Variants in SEMA6D observed in about 807,000 individuals in gnomAD.
SEMA6D encodes semaphorin 6D.
SEMA6D carries 35 observed loss-of-function variants against 106.6 expected under a neutral mutation model. That is an observed-to-expected ratio of 0.33 (90% CI 0.25 to 0.44). The LOEUF (loss-of-function observed/expected upper bound fraction) is 0.44. Among genes scored for constraint, SEMA6D ranks in the 20% least tolerant of loss-of-function variants. SEMA6D has a pLI of 1.00. For synonymous variants in SEMA6D, 499 were observed against 487.7 expected, an observed-to-expected ratio of 1.02 and a Z score of -0.31; for missense variants, 1,185 against 1,345.9, an observed-to-expected ratio of 0.88 and a Z score of 1.87.
intron 1 of SEMA6D, among the ~76,000 whole-genome samples, chr15:47,304,238 G>C (rs1356514589): frequency 6.6e-6 from 1 of 151,906 alleles, no homozygotes; most frequent in Non-Finnish European, 1.5e-5. Flanking sequence ...CAAGGTGGGA[G>C]TTCAAGACCA....
intron 1 of SEMA6D, among the ~76,000 whole-genome samples, chr15:47,273,388 T>C (rs547540958): frequency 6.6e-6 from 1 of 152,280 alleles, no homozygotes; most frequent in South Asian, 2.1e-4. Flanking sequence ...AAAACTTGTG[T>C]TAAGAGGACC....
intron 4 of SEMA6D, among the ~76,000 whole-genome samples, chr15:47,657,649 C>G (rs2077823238): frequency 7.5e-6 from 1 of 133,498 alleles, no homozygotes; most frequent in Non-Finnish European, 1.6e-5. Context: ...AGGATCAAAA[C>G]TTTTTTATCT....
intron 1 of SEMA6D, among the ~76,000 whole-genome samples, chr15:47,301,569 C>A (rs904969972): frequency 2.0e-5 from 3 of 152,226 alleles, no homozygotes; most frequent in Non-Finnish European, 4.4e-5. Flanking sequence ...CTGGGGGAAG[C>A]CTGATTTTGA....
chr15:47,538,594 G>C (rs2045251460), intron 3 of SEMA6D, among the ~76,000 whole-genome samples: 1 of 152,112 alleles, frequency 6.6e-6, no homozygotes, highest in Non-Finnish European at 1.5e-5. Context: ...TCTGTTGATT[G>C]GTGTGTGAGA....
At chr15:47,240,574 T>C (rs2032844324) in intron 1 of SEMA6D, among the ~76,000 whole-genome samples, 3 of 152,156 alleles carry the variant, frequency 2.0e-5, no homozygotes, top group Admixed American at 2.0e-4. Context: ...ACATCGTGCA[T>C]TGGGATCTCC....
chr15:47,722,403 C>G (rs900212023), intron 1 of SEMA6D, among the ~76,000 whole-genome samples: 1 of 152,172 alleles, frequency 6.6e-6, no homozygotes, highest in Non-Finnish European at 1.5e-5. Context: ...ACAAAGAACA[C>G]GCGATGTACC....
chr15:47,504,913 C>T (rs909783611), intron 3 of SEMA6D, among the ~76,000 whole-genome samples: 2 of 152,026 alleles, frequency 1.3e-5, no homozygotes, highest in African/African-American at 4.8e-5. Flanking sequence ...TCCCTTCCTT[C>T]CTTCTGTGGG....
chr15:47,309,780 T>G (rs2036373827), intron 1 of SEMA6D, among the ~76,000 whole-genome samples: 1 of 152,188 alleles, frequency 6.6e-6, no homozygotes, highest in Non-Finnish European at 1.5e-5. Flanking sequence ...CAAAGTCTAT[T>G]TTATAATAAA....
chr15:47,386,510 G>A (rs970912527), intron 1 of SEMA6D, among the ~76,000 whole-genome samples: 9 of 152,182 alleles, frequency 5.9e-5, no homozygotes, highest in African/African-American at 2.2e-4. Context: ...CTTCAGGGAA[G>A]GAGAGGGGAA....
chr15:47,391,781 A>G (rs909149526), intron 1 of SEMA6D, among the ~76,000 whole-genome samples: 1 of 152,122 alleles, frequency 6.6e-6, no homozygotes, highest in African/African-American at 2.4e-5. Context: ...CATTAGAATA[A>G]AGGCTAGATT....
intron 3 of SEMA6D, among the ~76,000 whole-genome samples, chr15:47,511,082 T>G (rs778626247): frequency 1.3e-5 from 2 of 152,308 alleles, no homozygotes; most frequent in Admixed American, 6.5e-5. Flanking sequence ...TCCTTCAGTT[T>G]TCAGTGGTGC....
intron 1 of SEMA6D, among the ~76,000 whole-genome samples, chr15:47,398,348 A>C (rs924713207): frequency 6.6e-6 from 1 of 152,216 alleles, no homozygotes; most frequent in Non-Finnish European, 1.5e-5. Flanking sequence ...CTGCTATCAA[A>C]TAAGATACCC....
At chr15:47,298,494 G>A (rs2035892274) in intron 1 of SEMA6D, among the ~76,000 whole-genome samples, 1 of 152,186 alleles carries the variant, frequency 6.6e-6, no homozygotes, top group African/African-American at 2.4e-5. Flanking sequence ...AGAGTTCCCA[G>A]CAGTGTGACT....
chr15:47,209,641 T>C (rs1895349327), intron 1 of SEMA6D, among the ~76,000 whole-genome samples: 1 of 152,178 alleles, frequency 6.6e-6, no homozygotes, highest in African/African-American at 2.4e-5. Context: ...CATTTAAGAA[T>C]GTATACAAAT....
At chr15:47,629,737 T>C (rs537074152) in intron 4 of SEMA6D, among the ~76,000 whole-genome samples, 1 of 152,026 alleles carries the variant, frequency 6.6e-6, no homozygotes, top group South Asian at 2.1e-4. Flanking sequence ...GTATCTATTA[T>C]TCTGTTCTTT....
chr15:47,410,001 T>G (rs554790217), intron 1 of SEMA6D, among the ~76,000 whole-genome samples: 1 of 152,276 alleles, frequency 6.6e-6, no homozygotes, highest in South Asian at 2.1e-4. Context: ...AGAAATTTTT[T>G]TTTTAAACAG....
At chr15:47,503,635 A>G (rs769269951) in intron 3 of SEMA6D, among the ~76,000 whole-genome samples, 7 of 152,050 alleles carry the variant, frequency 4.6e-5, no homozygotes, top group Non-Finnish European at 8.8e-5. Flanking sequence ...TGGGGGAAAC[A>G]TCAGTATCTT....
At chr15:47,510,593 G>A (rs985889902) in intron 3 of SEMA6D, among the ~76,000 whole-genome samples, 1 of 152,172 alleles carries the variant, frequency 6.6e-6, no homozygotes, top group East Asian at 1.9e-4. Flanking sequence ...CAATTCAGTT[G>A]GAATGTCAAG....
intron 1 of SEMA6D, among the ~76,000 whole-genome samples, chr15:47,283,609 A>G (rs1412774043): frequency 1.3e-5 from 2 of 152,206 alleles, no homozygotes; most frequent in Non-Finnish European, 2.9e-5. Flanking sequence ...AAAGAGAGCC[A>G]GGCCTCATCA....
Sources: gnomAD v4.1 joint callset for allele counts (sites outside exome capture counted in the v4.1 genomes callset) on GRCh38, gnomAD v4.1.1 for gene constraint, MANE v1.5 for transcripts, NCBI Gene and HGNC (gene_info 2026-07-23, HGNC 2026-07-21) for gene names.